Variants in PABIR1 observed in about 807,000 individuals in gnomAD.
The protein encoded by PABIR1 is PP2A Aalpha (PPP2R1A) and B55A (PPP2R2A) interacting phosphatase regulator 1.
Under a neutral mutation model 14.6 loss-of-function variants are expected in PABIR1, and 2 were observed. The observed-to-expected ratio is 0.14, with a 90% CI of 0.06 to 0.43. PABIR1 has a LOEUF of 0.43. Ranked by LOEUF, PABIR1 falls within the 20% of genes least tolerant of loss-of-function variation. The probability of loss-of-function intolerance (pLI) is 0.99; values close to 1 mark genes in which losing one functional copy is unlikely to be tolerated. For missense variants in PABIR1, 294 were observed against 379.0 expected, an observed-to-expected ratio of 0.78 and a Z score of 1.86; for synonymous variants, 163 against 155.4, an observed-to-expected ratio of 1.05 and a Z score of -0.36.
rs781208996 is a variant in PABIR1 at position 68,782,409 on chromosome 9, A to C, written c.*1381A>C. 2 of 166,952 alleles carry C rather than the reference A, an allele frequency of 1.2e-5. No homozygotes were observed. Among genetic ancestry groups the C allele is most frequent in the Non-Finnish European group, 2.9e-5 (2 of 68,120 alleles). The allele number at this position is 166,952 out of a possible 1,614,324, so 10.3% of individuals were successfully genotyped here. On this transcript the variant is annotated 3_prime_UTR_variant, in exon 1 of 1. Transcript: ENST00000394264. ...TTAAGACAAAATGTTTAATAAGAAT[A>C]GCAAAAATTTTTTTATATTATGCAT...
rs980473535 is a variant in PABIR1 at position 68,785,527 on chromosome 9, T to G, written c.*4499T>G. Among the ~76,000 whole-genome samples, 6 of 152,196 alleles carry G rather than the reference T, an allele frequency of 3.9e-5. No homozygotes were observed. The highest frequency in any genetic ancestry group is 1.4e-4 in the African/African-American group (6 of 41,450). ...ATTTTCTTAAAAGTTGAAATGACCT[T>G]TGTATAAAAAGTAATAAAATACTTG... is the stretch of plus-strand genomic sequence containing the variant. On this transcript the variant is annotated 3_prime_UTR_variant, in exon 1 of 1. Transcript: ENST00000394264.
chr9:68,780,090 CGGCGG>C lies in PABIR1; in HGVS notation c.-74_-70del. On this transcript the variant is annotated 5_prime_UTR_variant, in exon 1 of 1. Transcript: ENST00000394264. The stretch of plus-strand genomic sequence containing the variant: ...AGATTCTCGGTGGCGGCGGCAGCGG[CGGCGG>C]CCCTGGACTGCGGGGAATGGGAATC... 7.2e-7 allele frequency: 1 copy of C among 1,387,170 alleles called. No individual in the cohort carries two copies. The highest frequency in any genetic ancestry group is 1.9e-5 in the South Asian group (1 of 53,682). The allele number at this position is 1,387,170 out of a possible 1,614,324, so 85.9% of individuals were successfully genotyped here.
chr9:68,782,474 CAGAA>C lies in PABIR1; in HGVS notation c.*1451_*1454del, dbSNP rs1475735625. The C allele has an allele frequency of 2.4e-5, 4 of 166,842 alleles. No individual in the cohort carries two copies. The highest frequency in any genetic ancestry group is 6.5e-5 in the Admixed American group (1 of 15,280). 10.3% of individuals were successfully genotyped at this position (166,842 alleles called of 1,614,324 possible). A position where few individuals can be genotyped will look rare whatever the true frequency, so the allele number is the denominator to read the frequency against. On this transcript the variant is annotated 3_prime_UTR_variant, in exon 1 of 1. Coordinates refer to ENST00000394264, the MANE Select transcript of PABIR1 (RefSeq NM_138333.5). ...TATCTTCCTTAACTAGATAGTTTGA[CAGAA>C]AGAATGGCATACAAAGAGGAAAGGG... is the stretch of plus-strand genomic sequence containing the variant.
In PABIR1 at chr9:68,781,034, T is replaced by C; in HGVS notation, c.*6T>C. 6.2e-7 allele frequency: 1 copy of C among 1,609,574 alleles called. No individual in the cohort carries two copies. The highest frequency in any genetic ancestry group is 8.5e-7 in the Non-Finnish European group (1 of 1,176,868). On this transcript the variant is annotated 3_prime_UTR_variant, in exon 1 of 1. Coordinates refer to ENST00000394264, the MANE Select transcript of PABIR1 (RefSeq NM_138333.5). ...ATGAACTTTCGTCTAAGTGATTCAC[T>C]CATCCTGAGACTTTCTTTTTGCAGT... is the stretch of plus-strand genomic sequence containing the variant.
In PABIR1 at chr9:68,781,724, A is replaced by G. The variant is rs986641010; in HGVS notation, c.*696A>G. On this transcript the variant is annotated 3_prime_UTR_variant, in exon 1 of 1. Coordinates refer to ENST00000394264, the MANE Select transcript of PABIR1 (RefSeq NM_138333.5). ...AGTCAGTCATACAACTATAACTACTATAGAGAAAATAAAATTTTTTCCTTT... is the reference window on the plus strand; with the variant it reads ...AGTCAGTCATACAACTATAACTACTGTAGAGAAAATAAAATTTTTTCCTTT... 6.0e-6 allele frequency: 1 copy of G among 166,720 alleles called. No homozygotes were observed. Among genetic ancestry groups the G allele is most frequent in the African/African-American group, 2.4e-5 (1 of 41,442 alleles). The allele number at this position is 166,720 out of a possible 1,614,324, so 10.3% of individuals were successfully genotyped here. A position where few individuals can be genotyped will look rare whatever the true frequency, so the allele number is the denominator to read the frequency against.
chr9:68,783,501 T>C lies in PABIR1; in HGVS notation c.*2473T>C, dbSNP rs1013184910. On this transcript the variant is annotated 3_prime_UTR_variant, in exon 1 of 1. Transcript: ENST00000394264. ...TGCTTTTAATTATGTAAAATTCATC[T>C]TCCCTTTCCACAGATAACTTCTGTT... 3 of 167,010 alleles carry C rather than the reference T, an allele frequency of 1.8e-5. No individual in the cohort carries two copies. Among genetic ancestry groups the C allele is most frequent in the Admixed American group, 6.5e-5 (1 of 15,290 alleles). 10.3% of individuals were successfully genotyped at this position (167,010 alleles called of 1,614,324 possible).
At position 68,780,147 on chromosome 9, in the gene PABIR1, C is replaced by T; in HGVS notation, c.-18C>T. On this transcript the variant is annotated 5_prime_UTR_variant, in exon 1 of 1. Coordinates refer to ENST00000394264, the MANE Select transcript of PABIR1 (RefSeq NM_138333.5). ...TAGGTCCCTGACTGAGCACCTCCCCCGCCTCCCTGCCCCCGACATGGCTCA... is the reference window on the plus strand; with the variant it reads ...TAGGTCCCTGACTGAGCACCTCCCCTGCCTCCCTGCCCCCGACATGGCTCA... 1 of 1,509,032 alleles carries T rather than the reference C, an allele frequency of 6.6e-7. No individual in the cohort carries two copies. The allele number at this position is 1,509,032 out of a possible 1,614,324, so 93.5% of individuals were successfully genotyped here. A position where few individuals can be genotyped will look rare whatever the true frequency, so the allele number is the denominator to read the frequency against.
In PABIR1 at chr9:68,784,218, G is replaced by C. The variant is rs901316493; in HGVS notation, c.*3190G>C. On this transcript the variant is annotated 3_prime_UTR_variant, in exon 1 of 1. Coordinates refer to ENST00000394264, the MANE Select transcript of PABIR1 (RefSeq NM_138333.5). ...TCTGTAGACTGTAAGGGCTTACTTA[G>C]CTCGTGTAAGAATTATCCTTCAAAA... 6.0e-6 allele frequency: 1 copy of C among 167,078 alleles called. No individual in the cohort carries two copies. The highest frequency in any genetic ancestry group is 1.5e-5 in the Non-Finnish European group (1 of 68,126). The allele number at this position is 167,078 out of a possible 1,614,324, so 10.3% of individuals were successfully genotyped here. A position where few individuals can be genotyped will look rare whatever the true frequency, so the allele number is the denominator to read the frequency against.
At position 68,783,147 on chromosome 9, in the gene PABIR1, C is replaced by G. The variant is rs1273444682; in HGVS notation, c.*2119C>G. Reference sequence around the variant, plus strand: ...TATTTTTCGCCCTCTTGCTTGAAAACTTCACTTGCTTCCCCATTTCCTACT... The same window carrying G: ...TATTTTTCGCCCTCTTGCTTGAAAAGTTCACTTGCTTCCCCATTTCCTACT... On this transcript the variant is annotated 3_prime_UTR_variant, in exon 1 of 1. Transcript: ENST00000394264. The G allele has an allele frequency of 6.0e-6, 1 of 167,080 alleles. No individual in the cohort carries two copies. The highest frequency in any genetic ancestry group is 1.9e-4 in the East Asian group (1 of 5,204). 10.3% of individuals were successfully genotyped at this position (167,080 alleles called of 1,614,324 possible). A position where few individuals can be genotyped will look rare whatever the true frequency, so the allele number is the denominator to read the frequency against.
rs748999752 is a variant in PABIR1, at chr9:68,780,240, AGCG to A, written c.87_89del (p.Gly31del). ...CGGGAGCCCGGCGGAGGGCGGTGGCAGCGGCGGCGGCGGGGGCCTCAGGAGGTC... is the reference window on the plus strand; with the variant it reads ...CGGGAGCCCGGCGGAGGGCGGTGGCAGCGGCGGCGGGGGCCTCAGGAGGTC... On this transcript the variant is annotated inframe_deletion, in exon 1 of 1. Transcript: ENST00000394264. 3.0e-5 allele frequency: 46 copies of A among 1,542,164 alleles called. No individual in the cohort carries two copies. Among genetic ancestry groups the A allele is most frequent in the South Asian group, 1.1e-4 (9 of 78,950 alleles).
chr9:68,780,817 T>A lies in PABIR1; in HGVS notation c.653T>A (p.Phe218Tyr). ...METEYQPKRF[F>Y]QGITNMLSSD... The stretch of plus-strand genomic sequence containing the variant: ...ACTGAATATCAGCCAAAGAGATTTT[T>A]CCAGGGCATCACCAACATGCTTTCT... Residue 218 changes from phenylalanine to tyrosine, a missense_variant, in exon 1 of 1, where the codon TTC becomes TAC. This residue lies in a region of PABIR1 where 95 missense variants were observed against 100.8 expected (regional missense o/e 0.94). Coordinates refer to ENST00000394264, the MANE Select transcript of PABIR1 (RefSeq NM_138333.5). 6.2e-7 allele frequency: 1 copy of A among 1,614,236 alleles called. No individual in the cohort carries two copies. The highest frequency in any genetic ancestry group is 8.5e-7 in the Non-Finnish European group (1 of 1,180,032).
chr9:68,780,657 G>C lies in PABIR1; in HGVS notation c.493G>C (p.Val165Leu). 1 of 1,614,206 alleles carries C rather than the reference G, an allele frequency of 6.2e-7. No individual in the cohort carries two copies. Among genetic ancestry groups the C allele is most frequent in the Non-Finnish European group, 8.5e-7 (1 of 1,180,034 alleles). Residue 165 changes from valine to leucine, a missense_variant, in exon 1 of 1, where the codon GTA becomes CTA. Physicochemically the swap from Val to Leu is conservative, Grantham distance 32. Transcript: ENST00000394264. ...TTTTTCGCCATCCTTGCAAAGTTTT[G>C]TAAGTAGCAACGGATTGCCTCCAAG... is the stretch of plus-strand genomic sequence containing the variant. ...QCFSPSLQSFVSSNGLPPSPI... is the reference protein window; with the variant it reads ...QCFSPSLQSFLSSNGLPPSPI...
rs1831279305 is a variant in PABIR1 at position 68,781,544 on chromosome 9, A to G, written c.*516A>G. 6.0e-6 allele frequency: 1 copy of G among 166,964 alleles called. No individual in the cohort carries two copies. Among genetic ancestry groups the G allele is most frequent in the Non-Finnish European group, 1.5e-5 (1 of 68,270 alleles). 10.3% of individuals were successfully genotyped at this position (166,964 alleles called of 1,614,324 possible). A position where few individuals can be genotyped will look rare whatever the true frequency, so the allele number is the denominator to read the frequency against. On this transcript the variant is annotated 3_prime_UTR_variant, in exon 1 of 1. Coordinates refer to ENST00000394264, the MANE Select transcript of PABIR1 (RefSeq NM_138333.5). The stretch of plus-strand genomic sequence containing the variant: ...TAGTGGTTGTCTGTTTTACCCAGGA[A>G]TTCTTGGATATTTAGTTTTCTGGGT...
rs1263364734 is a variant in PABIR1, at chr9:68,780,293, C to T, written c.129C>T (p.Gly43=). 2 of 1,595,054 alleles carry T rather than the reference C, an allele frequency of 1.3e-6. No homozygotes were observed. Among genetic ancestry groups the T allele is most frequent in the Non-Finnish European group, 8.5e-7 (1 of 1,171,000 alleles). ...RRSNSAPLIH[G]LSDTSPVFQA... Reference sequence around the variant, plus strand: ...CTAACAGCGCCCCCCTGATCCACGGCCTCAGTGACACTTCGCCGGTGTTCC... The same window carrying T: ...CTAACAGCGCCCCCCTGATCCACGGTCTCAGTGACACTTCGCCGGTGTTCC... The change falls in exon 1 of 1, where the codon GGC becomes GGT. Residue 43 remains glycine, a synonymous_variant. Transcript: ENST00000394264.
Position 68,783,513 on chromosome 9 carries a change from A to G in PABIR1, c.*2485A>G, listed in dbSNP as rs1044545249. The G allele has an allele frequency of 1.2e-5, 2 of 167,018 alleles. No individual in the cohort carries two copies. Among genetic ancestry groups the G allele is most frequent in the Non-Finnish European group, 2.9e-5 (2 of 68,136 alleles). The allele number at this position is 167,018 out of a possible 1,614,324, so 10.3% of individuals were successfully genotyped here. On this transcript the variant is annotated 3_prime_UTR_variant, in exon 1 of 1. Coordinates refer to ENST00000394264, the MANE Select transcript of PABIR1 (RefSeq NM_138333.5). ...TGTAAAATTCATCTTCCCTTTCCAC[A>G]GATAACTTCTGTTAACAACTTGATA...
chr9:68,784,775 G>A lies in PABIR1; in HGVS notation c.*3747G>A, dbSNP rs1447668491. On this transcript the variant is annotated 3_prime_UTR_variant, in exon 1 of 1. Coordinates refer to ENST00000394264, the MANE Select transcript of PABIR1 (RefSeq NM_138333.5). ...GAGAACAGAAGAAAGAGTTGGCCTTGGAAAGGAGGTCTGGAAACTTATTTT... is the reference window on the plus strand; with the variant it reads ...GAGAACAGAAGAAAGAGTTGGCCTTAGAAAGGAGGTCTGGAAACTTATTTT... Among the ~76,000 whole-genome samples the A allele has an allele frequency of 2.6e-5, 4 of 152,094 alleles. No homozygotes were observed. Among genetic ancestry groups the A allele is most frequent in the Non-Finnish European group, 5.9e-5 (4 of 68,034 alleles).
rs1229108635 is a variant in PABIR1 at position 68,781,249 on chromosome 9, G to A, written c.*221G>A. On this transcript the variant is annotated 3_prime_UTR_variant, in exon 1 of 1. Transcript: ENST00000394264. The stretch of plus-strand genomic sequence containing the variant: ...ATATTTTCAGACGTTTCCCCAATAA[G>A]TGTGTTGAAGCATACATCTTTACGC... The A allele has an allele frequency of 1.8e-6, 1 of 571,300 alleles. No individual in the cohort carries two copies. The highest frequency in any genetic ancestry group is 3.1e-6 in the Non-Finnish European group (1 of 320,368). 35.4% of individuals were successfully genotyped at this position (571,300 alleles called of 1,614,324 possible).
rs770574322 is a variant in PABIR1 at position 68,784,455 on chromosome 9, A to G, written c.*3427A>G. On this transcript the variant is annotated 3_prime_UTR_variant, in exon 1 of 1. Coordinates refer to ENST00000394264, the MANE Select transcript of PABIR1 (RefSeq NM_138333.5). ...CTGCTGGATGTTAGGACCCTTAAGCATACTTAAAAGATTGATTGTAATCAA... is the reference window on the plus strand; with the variant it reads ...CTGCTGGATGTTAGGACCCTTAAGCGTACTTAAAAGATTGATTGTAATCAA... The G allele has an allele frequency of 5.8e-4, 97 of 166,942 alleles. No individual in the cohort carries two copies. The highest frequency in any genetic ancestry group is 2.5e-4 in the Non-Finnish European group (17 of 68,106). The allele number at this position is 166,942 out of a possible 1,614,324, so 10.3% of individuals were successfully genotyped here. A position where few individuals can be genotyped will look rare whatever the true frequency, so the allele number is the denominator to read the frequency against.
Position 68,781,704 on chromosome 9 carries a change from G to A in PABIR1, c.*676G>A, listed in dbSNP as rs147539592. On this transcript the variant is annotated 3_prime_UTR_variant, in exon 1 of 1. Coordinates refer to ENST00000394264, the MANE Select transcript of PABIR1 (RefSeq NM_138333.5). ...GAGATTTTAATAGTAATTCTAGTCA[G>A]TCATACAACTATAACTACTATAGAG... 572 of 166,110 alleles carry A rather than the reference G, an allele frequency of 3.4e-3. No individual in the cohort carries two copies. The highest frequency in any genetic ancestry group is 6.5e-3 in the Non-Finnish European group (441 of 67,988). 10.3% of individuals were successfully genotyped at this position (166,110 alleles called of 1,614,324 possible).
Sources: allele counts gnomAD v4.1 joint callset (sites outside exome capture counted in the v4.1 genomes callset), GRCh38; gene constraint gnomAD v4.1.1; regional missense constraint gnomAD v4.1.1; transcripts MANE v1.5; gene names NCBI Gene and HGNC (gene_info 2026-07-23, HGNC 2026-07-21).